The following ZNF536 variants were observed in gnomAD, a reference collection of about 807,000 sequenced individuals.
The protein encoded by ZNF536 is zinc finger protein 536.
Under a neutral mutation model 84.5 loss-of-function variants are expected in ZNF536, and 13 were observed. The observed-to-expected ratio is 0.15, with a 90% CI of 0.10 to 0.24. The LOEUF (loss-of-function observed/expected upper bound fraction) is 0.24, where lower values mean the gene tolerates loss of function less well. ZNF536 is among the 10% of genes least tolerant of loss of function. The probability of loss-of-function intolerance (pLI) is 1.00; values close to 1 mark genes in which losing one functional copy is unlikely to be tolerated. For synonymous variants in ZNF536, 811 were observed against 742.5 expected (o/e 1.09, Z -1.50); for missense variants, 1,536 against 1,747.5 (o/e 0.88, Z 2.16).
rs1432739254 is a variant in ZNF536, at chr19:30,272,273, C to A, written c.-189-11799C>A. 1.3e-4 allele frequency among the ~76,000 whole-genome samples: 20 copies of A among 152,096 alleles called. 1 individual carries two copies. Among genetic ancestry groups the A allele is most frequent in the Non-Finnish European group, 1.5e-5 (1 of 68,004 alleles). On this transcript the variant is annotated intron_variant, in intron 1 of 5. Coordinates refer to the ZNF536 transcript ENST00000585628. Reference sequence around the variant, plus strand: ...TATTTTTTGAGCAGTTTTAAATATCCAATAAAATTGAGCAGAAAGTACAGC... The same window carrying A: ...TATTTTTTGAGCAGTTTTAAATATCAAATAAAATTGAGCAGAAAGTACAGC...
intron 1 of ZNF536, among the ~76,000 whole-genome samples, chr19:30,399,186 C>T (rs968442336): frequency 2.6e-5 from 4 of 152,086 alleles, no homozygotes; most frequent in African/African-American, 9.7e-5. Context: ...AGCTTTTTTT[C>T]ATATGTTTGT....
At chr19:30,609,930 C>G (rs958105810) in intron 1 of ZNF536, among the ~76,000 whole-genome samples, 2 of 151,660 alleles carry the variant, frequency 1.3e-5, no homozygotes, top group African/African-American at 4.8e-5. Flanking sequence ...ATCCATCCAT[C>G]CATCCATCCA....
intron 1 of ZNF536, among the ~76,000 whole-genome samples, chr19:30,669,702 A>G (rs1306313637): frequency 6.6e-6 from 1 of 152,244 alleles, no homozygotes; most frequent in African/African-American, 2.4e-5. Context: ...TGCGTGGGGT[A>G]GAGGGCACCA....
intron 1 of ZNF536, among the ~76,000 whole-genome samples, chr19:30,278,288 G>GT (rs537650846): frequency 1.3e-5 from 2 of 152,306 alleles, no homozygotes; most frequent in South Asian, 4.1e-4. Flanking sequence ...GGCTGGGAGG[G>GT]TTTGAATTGG....
intron 1 of ZNF536, among the ~76,000 whole-genome samples, chr19:30,651,935 C>T (rs1036537524): frequency 6.6e-6 from 1 of 152,184 alleles, no homozygotes; most frequent in African/African-American, 2.4e-5. Context: ...AACAAAAATG[C>T]TAAGAGCTGG....
At chr19:30,383,764 TTTCTTTCTTTTCTTTC>T (rs2049155358) in intron 1 of ZNF536, among the ~76,000 whole-genome samples, 8 of 2,662 alleles carry the variant, frequency 3.0e-3, no homozygotes, top group South Asian at 8.1e-3. Flanking sequence ...TTTCTCTTTC[TTTCTTTCTTTTCTTTC>T]TTTCTTTCTT....
At chr19:30,261,443 A>G (rs2025216359) in intron 1 of ZNF536, among the ~76,000 whole-genome samples, 1 of 151,826 alleles carries the variant, frequency 6.6e-6, no homozygotes, top group Admixed American at 6.6e-5. Context: ...TGTAGGTGCT[A>G]TGGCTCAGCT....
chr19:30,481,533 A>G (rs925621392), intron 2 of ZNF536, among the ~76,000 whole-genome samples: 2 of 152,256 alleles, frequency 1.3e-5, no homozygotes, highest in Admixed American at 6.5e-5. Flanking sequence ...TTTAGGATAC[A>G]CATTGGTTCG....
intron 1 of ZNF536, among the ~76,000 whole-genome samples, chr19:30,400,435 G>A (rs1228248680): frequency 6.6e-6 from 1 of 152,140 alleles, no homozygotes; most frequent in Non-Finnish European, 1.5e-5. Context: ...TAATCAGTAT[G>A]TAGTGTTATG....
chr19:30,338,204 ATGG>A (rs569344091), intron 2 of ZNF536, among the ~76,000 whole-genome samples: 73 of 151,696 alleles, frequency 4.8e-4, no homozygotes, highest in Non-Finnish European at 7.7e-4. Context: ...GATGATGTTG[ATGG>A]TGGTGGTGAT....
rs548962647 is a variant in ZNF536 at position 30,232,183 on chromosome 19, C to A, written c.-190+3510C>A. ...GCCTCCCCCGGCCAGTTGATGCCAT[C>A]AACGGGCTCCTGTTGACTGTGCCTG... On this transcript the variant is annotated intron_variant, in intron 1 of 5. Coordinates refer to the ZNF536 transcript ENST00000585628. Among the ~76,000 whole-genome samples the A allele has an allele frequency of 3.4e-4, 52 of 152,274 alleles. 1 individual carries two copies. The highest frequency in any genetic ancestry group is 1.2e-3 in the African/African-American group (50 of 41,560).
chr19:30,259,389 C>T (rs938012547), intron 1 of ZNF536, among the ~76,000 whole-genome samples: 3 of 152,204 alleles, frequency 2.0e-5, no homozygotes, highest in Non-Finnish European at 4.4e-5. Context: ...CTGAGATGAA[C>T]TAGGACTGTG....
intron 2 of ZNF536, among the ~76,000 whole-genome samples, chr19:30,518,500 A>C (rs56073021): frequency 5.3e-5 from 8 of 152,360 alleles, no homozygotes; most frequent in Non-Finnish European, 1.0e-4. Flanking sequence ...AGGAGAAGTC[A>C]GAGGATAAGG....
intron 2 of ZNF536, among the ~76,000 whole-genome samples, chr19:30,462,422 C>A (rs1174845237): frequency 6.6e-6 from 1 of 151,588 alleles, no homozygotes; most frequent in Non-Finnish European, 1.5e-5. Flanking sequence ...CTGCAAGTTA[C>A]CTTAATTTTT....
chr19:30,279,014 C>T (rs139706318), intron 1 of ZNF536, among the ~76,000 whole-genome samples: 140 of 152,294 alleles, frequency 9.2e-4, no homozygotes, highest in Middle Eastern at 6.8e-3. Context: ...GGGAATGTCT[C>T]AGCGCTCCTT....
chr19:30,421,171 G>A (rs1187781124), intron 1 of ZNF536, among the ~76,000 whole-genome samples: 1 of 152,166 alleles, frequency 6.6e-6, no homozygotes, highest in South Asian at 2.1e-4. Flanking sequence ...AGGATCCAGC[G>A]TGCAGAGAAG....
intron 1 of ZNF536, among the ~76,000 whole-genome samples, chr19:30,418,175 G>A (rs2050812447): frequency 6.6e-6 from 1 of 151,692 alleles, no homozygotes; most frequent in Non-Finnish European, 1.5e-5. Context: ...AAATGATCAT[G>A]TAGATTTGTT....
intron 1 of ZNF536, among the ~76,000 whole-genome samples, chr19:30,236,303 A>T (rs1031603710): frequency 1.3e-5 from 2 of 152,154 alleles, no homozygotes; most frequent in African/African-American, 4.8e-5. Flanking sequence ...TGGAGCTCTC[A>T]TGGACATTGC....
intron 3 of ZNF536, among the ~76,000 whole-genome samples, chr19:30,353,763 A>G (rs2048009592): frequency 6.6e-6 from 1 of 152,160 alleles, no homozygotes; most frequent in Admixed American, 6.5e-5. Flanking sequence ...TGCGAAGACT[A>G]TTTTCCCTCT....
Sources: gnomAD v4.1 joint callset for allele counts (sites outside exome capture counted in the v4.1 genomes callset) on GRCh38, gnomAD v4.1.1 for gene constraint, MANE v1.5 for transcripts, NCBI Gene and HGNC (gene_info 2026-07-23, HGNC 2026-07-21) for gene names.